The following DGKI variants were observed in gnomAD, a reference collection of about 807,000 sequenced individuals.
DGKI encodes the protein DAG kinase iota.
In DGKI, 55 loss-of-function variants were observed where a neutral mutation model predicts 147.5. The observed-to-expected ratio is 0.37, with a 90% confidence interval of 0.30 to 0.47. DGKI has a LOEUF of 0.47. Ranked by LOEUF, DGKI falls within the 20% of genes least tolerant of loss-of-function variation. The probability of loss-of-function intolerance (pLI) is 1.00; values close to 1 mark genes in which losing one functional copy is unlikely to be tolerated. For synonymous variants in DGKI, 469 were observed against 477.1 expected (o/e 0.98, Z 0.22); for missense variants, 1,007 against 1,323.8 (o/e 0.76, Z 3.71).
At chr7:137,599,409 A>T (rs561782317) in intron 11 of DGKI, among the ~76,000 whole-genome samples, 5 of 151,230 alleles carry the variant, frequency 3.3e-5, no homozygotes, top group African/African-American at 7.3e-5. Flanking sequence ...ACACACACAC[A>T]CTCTCTCTTT....
chr7:137,434,911 T>C (rs906011920), intron 28 of DGKI, among the ~76,000 whole-genome samples: 1 of 152,110 alleles, frequency 6.6e-6, no homozygotes, highest in Non-Finnish European at 1.5e-5. Context: ...TAAGAAAAAA[T>C]ATGCTATCAT....
intron 20 of DGKI, among the ~76,000 whole-genome samples, chr7:137,538,725 C>G (rs1563074691): frequency 6.6e-6 from 1 of 152,134 alleles, no homozygotes; most frequent in Non-Finnish European, 1.5e-5. Context: ...GAAGGTGGGT[C>G]AGCACACAGC....
At chr7:137,764,214 TGG>T (rs1185970142) in intron 1 of DGKI, among the ~76,000 whole-genome samples, 1 of 151,152 alleles carries the variant, frequency 6.6e-6, no homozygotes, top group Admixed American at 6.6e-5. Context: ...TTGTCCAGGG[TGG>T]CACCCTGGGA....
chr7:137,721,930 C>T lies in DGKI; in HGVS notation c.402-31928G>A, dbSNP rs146610394. 2,497 of 1,084,002 alleles carry T rather than the reference C, an allele frequency of 2.3e-3. 17 individuals are homozygous for T. The highest frequency in any genetic ancestry group is 1.4e-3 in the Non-Finnish European group (1,056 of 768,786). 67.1% of individuals were successfully genotyped at this position (1,084,002 alleles called of 1,614,324 possible). The stretch of plus-strand genomic sequence containing the variant: ...TCCTCCATCAAGCCAGCTAATACTC[C>T]ATCCTCAGTCCTCAGCTTAGAAGTA... On this transcript the variant is annotated intron_variant, in intron 1 of 32. Coordinates refer to ENST00000614521, the MANE Select transcript of DGKI (RefSeq NM_001321708.2).
chr7:137,447,893 GA>G (rs1471991918), intron 27 of DGKI, among the ~76,000 whole-genome samples: 1 of 151,870 alleles, frequency 6.6e-6, no homozygotes, highest in African/African-American at 2.4e-5. Flanking sequence ...TAGTAACACA[GA>G]AAAAAAATTC....
At chr7:137,741,244 T>G (rs1795165208) in intron 1 of DGKI, among the ~76,000 whole-genome samples, 1 of 152,052 alleles carries the variant, frequency 6.6e-6, no homozygotes, top group African/African-American at 2.4e-5. Context: ...TAAAAGATAA[T>G]AAGAGTGCTA....
chr7:137,516,594 T>C (rs1816752744), intron 21 of DGKI, among the ~76,000 whole-genome samples: 1 of 152,070 alleles, frequency 6.6e-6, no homozygotes, highest in Admixed American at 6.6e-5. Context: ...GAACGAATTC[T>C]GTTGTTTTTT....
chr7:137,575,258 C>T (rs834438), intron 17 of DGKI, among the ~76,000 whole-genome samples: 21,242 of 152,128 alleles, frequency 0.14, 3,395 homozygotes, highest in African/African-American at 0.39. Context: ...TTTATATAAA[C>T]ATTCCACCTT....
chr7:137,443,976 A>T (rs1813612704), intron 28 of DGKI, 101 bp downstream of exon 28: 2 of 966,078 alleles, frequency 2.1e-6, no homozygotes, highest in Non-Finnish European at 3.1e-6. Context: ...AATATCTTAG[A>T]GACATTTGCT....
chr7:137,531,205 G>T (rs78783484), intron 20 of DGKI, among the ~76,000 whole-genome samples: 1 of 152,104 alleles, frequency 6.6e-6, no homozygotes, highest in Non-Finnish European at 1.5e-5. Flanking sequence ...GAAGAATTCT[G>T]CAAATTCCAA....
At chr7:137,791,068 A>G (rs1047367725) in intron 1 of DGKI, among the ~76,000 whole-genome samples, 1 of 152,160 alleles carries the variant, frequency 6.6e-6, no homozygotes, top group Non-Finnish European at 1.5e-5. Flanking sequence ...CAAGTGAGCA[A>G]TGGCATGTGA....
chr7:137,592,040 A>G (rs1307471440), intron 12 of DGKI, among the ~76,000 whole-genome samples: 1 of 152,236 alleles, frequency 6.6e-6, no homozygotes, highest in Non-Finnish European at 1.5e-5. Flanking sequence ...GACATTAAAA[A>G]TCTTGGGAAA....
chr7:137,763,713 A>C (rs1042031528), intron 1 of DGKI, among the ~76,000 whole-genome samples: 14 of 152,244 alleles, frequency 9.2e-5, no homozygotes, highest in Admixed American at 7.2e-4. Context: ...CTCTGTATCT[A>C]GAATGTAATT....
intron 1 of DGKI, among the ~76,000 whole-genome samples, chr7:137,785,223 C>A (rs1358855315): frequency 6.6e-5 from 10 of 151,826 alleles, no homozygotes. Context: ...AATTGATAGA[C>A]CATTAGTGAG....
At chr7:137,411,654 C>A (rs1332647190) in intron 29 of DGKI, among the ~76,000 whole-genome samples, 1 of 152,144 alleles carries the variant, frequency 6.6e-6, no homozygotes, top group Non-Finnish European at 1.5e-5. Flanking sequence ...GCAGTGGTGA[C>A]CGCTTCCTTC....
At chr7:137,537,507 G>C (rs1026622167) in intron 20 of DGKI, among the ~76,000 whole-genome samples, 2 of 151,948 alleles carry the variant, frequency 1.3e-5, no homozygotes, top group Non-Finnish European at 2.9e-5. Flanking sequence ...TAATCACCTA[G>C]AAATACAATA....
intron 13 of DGKI, among the ~76,000 whole-genome samples, chr7:137,586,858 C>T (rs1180183672): frequency 6.6e-6 from 1 of 152,200 alleles, no homozygotes; most frequent in Non-Finnish European, 1.5e-5. Flanking sequence ...AGCCGCAGGC[C>T]TGTGTACTAA....
At chr7:137,624,523 T>C (rs1820863934) in intron 6 of DGKI, among the ~76,000 whole-genome samples, 1 of 152,194 alleles carries the variant, frequency 6.6e-6, no homozygotes, top group African/African-American at 2.4e-5. Context: ...CCAATGGCAT[T>C]TTTCAGCGCC....
rs1183272358 is a variant in DGKI, at chr7:137,610,931, T to C, written c.994-1322A>G. Among the ~76,000 whole-genome samples the C allele has an allele frequency of 2.0e-5, 3 of 152,118 alleles. No homozygotes were observed. In the East Asian group the frequency reaches 5.8e-4, roughly 29 times the overall value. On this transcript the variant is annotated intron_variant, in intron 8 of 32. Coordinates refer to ENST00000614521, the MANE Select transcript of DGKI (RefSeq NM_001321708.2). ...TCCCAAGGTTTTCTTTCCCATCAGA[T>C]TAAAAGATCTCAGGATCTCAGAGTC...
Sources: allele counts gnomAD v4.1 joint callset (sites outside exome capture counted in the v4.1 genomes callset), GRCh38; gene constraint gnomAD v4.1.1; transcripts MANE v1.5; gene names NCBI Gene and HGNC (gene_info 2026-07-23, HGNC 2026-07-21).